Variants in PPP1R16B observed in about 807,000 individuals in gnomAD.
PPP1R16B encodes the protein protein phosphatase 1 regulatory subunit 16B.
A neutral mutation model predicts 61.7 loss-of-function variants in PPP1R16B; 14 were observed. The observed-to-expected ratio is 0.23, with a 90% CI of 0.15 to 0.35. The LOEUF (loss-of-function observed/expected upper bound fraction) is 0.35, where lower values mean the gene tolerates loss of function less well. Ranked by LOEUF, PPP1R16B falls within the 10% of genes least tolerant of loss-of-function variation. The pLI, the probability that PPP1R16B is intolerant of heterozygous loss-of-function variation, is 1.00. For missense variants in PPP1R16B, 547 were observed against 752.5 expected, an observed-to-expected ratio of 0.73 and a Z score of 3.19; for synonymous variants, 266 against 305.3, an observed-to-expected ratio of 0.87 and a Z score of 1.34.
At chr20:38,846,644 G>A (rs1037309596) in intron 2 of PPP1R16B, among the ~76,000 whole-genome samples, 4 of 152,106 alleles carry the variant, frequency 2.6e-5, no homozygotes, top group African/African-American at 9.7e-5. Context: ...CCTTATTATT[G>A]CATTTTGAGG....
At chr20:38,912,220 C>G (rs532907215) in intron 10 of PPP1R16B, among the ~76,000 whole-genome samples, 73 of 151,996 alleles carry the variant, frequency 4.8e-4, no homozygotes, top group African/African-American at 1.7e-3. Flanking sequence ...CTGTCTCAGC[C>G]TCCTGAGTAG....
In PPP1R16B at chr20:38,918,248, G is replaced by A. The variant is rs763594050; in HGVS notation, c.1286G>A (p.Arg429Gln). 6.2e-6 allele frequency: 10 copies of A among 1,614,096 alleles called. No homozygotes were observed. In the East Asian group the frequency reaches 6.7e-5, roughly 11 times the overall value. ...GACATGCCTGTTGAGAATGGCCTCC[G>A]GGCTCCGGTCAGTGCCTACCAGTAT... ...ELDMPVENGLRAPVSAYQYAL... is the reference protein window; with the variant it reads ...ELDMPVENGLQAPVSAYQYAL... The change falls in exon 11 of 11, where the codon CGG becomes CAG. Residue 429 changes from arginine (R) to glutamine (Q), a missense_variant. Transcript: ENST00000299824. This position sits in a 1 kb window ranked among gnomAD's most constrained non-coding sequence, Gnocchi z 5.3.
At position 38,806,677 on chromosome 20, in the gene PPP1R16B, C is replaced by T. The variant is rs1380532000; in HGVS notation, c.-102+885C>T. ...GAGCCGGGAGGCAGGCGCTCGCTGC[C>T]CTCCTCCTTCCCCCATGTAGACTCC... On this transcript the variant is annotated intron_variant, in intron 1 of 10. Transcript: ENST00000299824. The surrounding 1 kb of genome is among the most constrained non-coding windows in gnomAD (Gnocchi z 4.5). 6.6e-6 allele frequency among the ~76,000 whole-genome samples: 1 copy of T among 152,196 alleles called. No homozygotes were observed. The highest frequency in any genetic ancestry group is 1.5e-5 in the Non-Finnish European group (1 of 68,032).
At chr20:38,880,523 G>C (rs193271782) in intron 2 of PPP1R16B, among the ~76,000 whole-genome samples, 12 of 152,262 alleles carry the variant, frequency 7.9e-5, no homozygotes, top group Non-Finnish European at 1.5e-4. Flanking sequence ...AAAAAAATTA[G>C]CTGGGCATGG....
At chr20:38,824,916 C>T (rs1004110712) in intron 1 of PPP1R16B, among the ~76,000 whole-genome samples, 1 of 152,176 alleles carries the variant, frequency 6.6e-6, no homozygotes, top group African/African-American at 2.4e-5. Flanking sequence ...ATCACTTGAA[C>T]CCAGGAGGCA....
At chr20:38,855,943 T>TATATATATAG (rs1555804333) in intron 2 of PPP1R16B, among the ~76,000 whole-genome samples, 2 of 15,058 alleles carry the variant, frequency 1.3e-4, no homozygotes, top group East Asian at 3.1e-3. Flanking sequence ...TATATATATA[T>TATATATATAG]AGAGAGAGAG....
intron 4 of PPP1R16B, among the ~76,000 whole-genome samples, chr20:38,898,623 A>G (rs1332095953): frequency 2.6e-5 from 4 of 152,164 alleles, no homozygotes; most frequent in Non-Finnish European, 4.4e-5. Flanking sequence ...CAGTCTGGCC[A>G]ACATAGTGAG....
intron 2 of PPP1R16B, among the ~76,000 whole-genome samples, chr20:38,836,463 C>T (rs1450232161): frequency 6.6e-6 from 1 of 152,168 alleles, no homozygotes; most frequent in Admixed American, 6.5e-5. Flanking sequence ...GTGATCCTTC[C>T]ACCTCAGCTT....
chr20:38,821,223 T>C (rs984638526), intron 1 of PPP1R16B, among the ~76,000 whole-genome samples: 47 of 152,138 alleles, frequency 3.1e-4, no homozygotes, highest in Non-Finnish European at 3.5e-4. Context: ...GGTGAGTGCC[T>C]CCCCATGGAC....
At chr20:38,889,487 T>TA in intron 2 of PPP1R16B, 108 bp from the exon 3 acceptor site, 1 of 953,732 alleles carries the variant, frequency 1.0e-6, no homozygotes, top group Non-Finnish European at 1.7e-6. Flanking sequence ...GGGGAGTTGT[T>TA]ACTACATTCT....
At chr20:38,834,730 G>A (rs1030826759) in intron 1 of PPP1R16B, among the ~76,000 whole-genome samples, 1 of 151,904 alleles carries the variant, frequency 6.6e-6, no homozygotes, top group Non-Finnish European at 1.5e-5. Flanking sequence ...TTTAAGAATA[G>A]CATTAATTCC....
intron 2 of PPP1R16B, among the ~76,000 whole-genome samples, chr20:38,888,535 G>A (rs997956740): frequency 6.6e-6 from 1 of 152,180 alleles, no homozygotes; most frequent in Non-Finnish European, 1.5e-5. Flanking sequence ...GTGTGGCCTG[G>A]AAGGGGAGCC....
intron 4 of PPP1R16B, among the ~76,000 whole-genome samples, chr20:38,898,505 T>C (rs1392409320): frequency 2.0e-5 from 3 of 152,120 alleles, no homozygotes; most frequent in Non-Finnish European, 4.4e-5. Flanking sequence ...AGTAAGCTAT[T>C]CTAGTCTGCA....
intron 2 of PPP1R16B, among the ~76,000 whole-genome samples, chr20:38,846,205 T>C (rs2084934761): frequency 6.6e-6 from 1 of 152,222 alleles, no homozygotes; most frequent in South Asian, 2.1e-4. Flanking sequence ...GATGAATATG[T>C]GAGTCTGGAG....
chr20:38,907,311 G>GTGGA lies in PPP1R16B; in HGVS notation c.898+291_898+294dup, dbSNP rs11470382. 5.7e-3 allele frequency among the ~76,000 whole-genome samples: 855 copies of GTGGA among 150,668 alleles called. 3 individuals are homozygous for GTGGA. Among genetic ancestry groups the GTGGA allele is most frequent in the African/African-American group, 0.01 (416 of 40,828 alleles). ...TCTGGTTGAATGGATGGGTGGGTGG[G>GTGGA]TGGATGGATGGATGGATGGATGGAT... On this transcript the variant is annotated intron_variant, in intron 8 of 10. Coordinates refer to ENST00000299824, the MANE Select transcript of PPP1R16B (RefSeq NM_015568.4). The surrounding 1 kb of genome is among the most constrained non-coding windows in gnomAD (Gnocchi z 4.5).
chr20:38,916,032 T>G (rs1220806881), intron 10 of PPP1R16B, among the ~76,000 whole-genome samples: 1 of 145,346 alleles, frequency 6.9e-6, no homozygotes, highest in African/African-American at 2.6e-5. Flanking sequence ...CTCCATGACA[T>G]GGCATCAGTC....
intron 3 of PPP1R16B, among the ~76,000 whole-genome samples, chr20:38,894,170 CTG>C (rs1161321060): frequency 6.9e-6 from 1 of 143,942 alleles, no homozygotes; most frequent in Non-Finnish European, 1.5e-5. Context: ...ACCTGGGTCT[CTG>C]GCGCCATCTG....
chr20:38,855,891 A>G (rs2145732810), intron 2 of PPP1R16B, among the ~76,000 whole-genome samples: 1 of 125,112 alleles, frequency 8.0e-6, no homozygotes, highest in East Asian at 2.5e-4. Flanking sequence ...TTGGTCCAGG[A>G]AGAGACAGTT....
At chr20:38,875,970 C>T (rs367822714) in intron 2 of PPP1R16B, among the ~76,000 whole-genome samples, 8 of 104,152 alleles carry the variant, frequency 7.7e-5, no homozygotes, top group African/African-American at 2.8e-4. Flanking sequence ...TGGTTTTGAA[C>T]TTTTTTTTTT....
Sources: gnomAD v4.1 joint callset for allele counts (sites outside exome capture counted in the v4.1 genomes callset) on GRCh38, gnomAD v4.1.1 for gene constraint, Gnocchi (gnomAD v3.1) non-coding constraint, MANE v1.5 for transcripts, NCBI Gene and HGNC (gene_info 2026-07-23, HGNC 2026-07-21) for gene names.